Variants in FAM227A observed in about 807,000 individuals in gnomAD.
The protein encoded by FAM227A is protein FAM227A.
A neutral mutation model predicts 74.7 loss-of-function variants in FAM227A; 80 were observed. The ratio of observed to expected loss-of-function variants is 1.07; its 90% CI spans 0.89 to 1.29. The LOEUF (loss-of-function observed/expected upper bound fraction) is 1.29, where lower values mean the gene tolerates loss of function less well. Ranked by LOEUF, FAM227A falls within the 50% of genes most tolerant of loss-of-function variation. The pLI, the probability that FAM227A is intolerant of heterozygous loss-of-function variation, is 0.00. For missense variants in FAM227A, 654 were observed against 683.4 expected, an observed-to-expected ratio of 0.96 and a Z score of 0.48; for synonymous variants, 237 against 241.8, an observed-to-expected ratio of 0.98 and a Z score of 0.19.
intron 11 of FAM227A, among the ~76,000 whole-genome samples, chr22:38,615,592 G>C (rs1036817935): frequency 6.6e-6 from 1 of 152,238 alleles, no homozygotes; most frequent in Non-Finnish European, 1.5e-5. Flanking sequence ...GCACGTCCAA[G>C]AGGCAGAAGG....
chr22:38,631,876 C>A (rs776516753), intron 6 of FAM227A, among the ~76,000 whole-genome samples: 1 of 152,170 alleles, frequency 6.6e-6, no homozygotes, highest in Non-Finnish European at 1.5e-5. Flanking sequence ...GGGATTAGAA[C>A]TGCAAGGCAG....
Position 38,652,445 on chromosome 22 carries a change from G to A in FAM227A, c.-94-2183C>T, listed in dbSNP as rs139694074. Among the ~76,000 whole-genome samples the A allele has an allele frequency of 9.8e-3, 1,479 of 151,354 alleles. 16 individuals are homozygous for A. The highest frequency in any genetic ancestry group is 0.027 in the Middle Eastern group (8 of 292). Reference sequence around the variant, plus strand: ...TACTAAAAAATACAAAAAATTAGCCGGGCATGGTGGCGGGCACCTACAGTC... The same window carrying A: ...TACTAAAAAATACAAAAAATTAGCCAGGCATGGTGGCGGGCACCTACAGTC... On this transcript the variant is annotated intron_variant, in intron 1 of 16. Coordinates refer to ENST00000535113, the MANE Select transcript of FAM227A (RefSeq NM_001013647.2).
At chr22:38,593,959 T>C (rs761173001) in intron 15 of FAM227A, among the ~76,000 whole-genome samples, 5 of 152,198 alleles carry the variant, frequency 3.3e-5, no homozygotes, top group Non-Finnish European at 5.9e-5. Flanking sequence ...CCCAAAGTGC[T>C]GGGATTACAG....
In FAM227A at chr22:38,656,378, A is replaced by C. The variant is rs1465090655; in HGVS notation, c.-353T>G. On this transcript the variant is annotated 5_prime_UTR_variant, in exon 1 of 17. Coordinates refer to ENST00000535113, the MANE Select transcript of FAM227A (RefSeq NM_001013647.2). ...TTAGCATAACAATGGAACCTTCGTG[A>C]GCCGCCGCGTTGTCCGCGAGATGCC... The C allele has an allele frequency of 6.6e-6, 1 of 152,280 alleles. No individual in the cohort carries two copies. Among genetic ancestry groups the C allele is most frequent in the Non-Finnish European group, 1.5e-5 (1 of 68,124 alleles). 9.4% of individuals were successfully genotyped at this position (152,280 alleles called of 1,614,324 possible). A position where few individuals can be genotyped will look rare whatever the true frequency, so the allele number is the denominator to read the frequency against.
In FAM227A at chr22:38,588,661, G is replaced by A. The variant is rs895117407; in HGVS notation, c.1639-2462C>T. Among the ~76,000 whole-genome samples the A allele has an allele frequency of 3.5e-5, 5 of 142,678 alleles. No homozygotes were observed. In the Admixed American group the frequency reaches 3.6e-4, roughly 10 times the overall value. 93.6% of individuals were successfully genotyped at this position (142,678 alleles called of 152,430 possible). Reference sequence around the variant, plus strand: ...AAAAATGCTGGGCGCAGTGGCTCACGCCTGTAATCCTAGAACTTTGGGAGG... The same window carrying A: ...AAAAATGCTGGGCGCAGTGGCTCACACCTGTAATCCTAGAACTTTGGGAGG... On this transcript the variant is annotated intron_variant, in intron 16 of 16. Transcript: ENST00000535113.
At chr22:38,615,111 G>GC (rs753319748) in intron 11 of FAM227A, among the ~76,000 whole-genome samples, 8 of 152,124 alleles carry the variant, frequency 5.3e-5, no homozygotes, top group Non-Finnish European at 1.0e-4. Context: ...TGCAACCTCC[G>GC]CCCCCTGGTT....
chr22:38,600,013 T>C (rs2091138193), intron 13 of FAM227A, 92 bp from the exon 14 acceptor site: 13 of 1,192,954 alleles, frequency 1.1e-5, no homozygotes, highest in Non-Finnish European at 1.5e-5. Flanking sequence ...CTCATGTCCT[T>C]TGATCCAGTA....
At chr22:38,628,385 G>T (rs779043109) in intron 7 of FAM227A, 43 bp from the exon 8 acceptor site, 11 of 1,267,180 alleles carry the variant, frequency 8.7e-6, no homozygotes, top group Non-Finnish European at 1.1e-5. Context: ...AAAGTCCCTT[G>T]CTGAAACAAC....
chr22:38,590,564 C>T (rs1002768868), intron 16 of FAM227A, among the ~76,000 whole-genome samples: 1 of 152,170 alleles, frequency 6.6e-6, no homozygotes. Context: ...GATGGCCTAT[C>T]ATGACCTTCC....
intron 11 of FAM227A, among the ~76,000 whole-genome samples, chr22:38,619,623 C>T (rs191476479): frequency 1.1e-4 from 16 of 152,248 alleles, no homozygotes; most frequent in Middle Eastern, 3.4e-3. Flanking sequence ...TGTGCCTGGC[C>T]TGGAAGTAGG....
At chr22:38,636,793 C>T (rs1189503000) in intron 5 of FAM227A, among the ~76,000 whole-genome samples, 196 bp from the exon 6 acceptor site, 4 of 133,046 alleles carry the variant, frequency 3.0e-5, no homozygotes, top group South Asian at 2.3e-4. Flanking sequence ...TTTTTTGAGA[C>T]GAAATTTCAC....
chr22:38,644,971 C>A (rs1048012135), intron 3 of FAM227A, among the ~76,000 whole-genome samples: 19 of 152,162 alleles, frequency 1.2e-4, no homozygotes, highest in African/African-American at 4.6e-4. Flanking sequence ...CGGCTGTAGT[C>A]CCAGCTACTC....
Position 38,620,194 on chromosome 22 carries a change from C to T in FAM227A, c.1038+18G>A. ...TATGGGACTCCAAAGGGGTCCTGGT[C>T]CGTGCCTCCCCACTTACCTGAGGGT... On this transcript the variant is annotated intron_variant, in intron 11 of 16. Transcript: ENST00000535113. 1 of 1,542,772 alleles carries T rather than the reference C, an allele frequency of 6.5e-7. No individual in the cohort carries two copies. Among genetic ancestry groups the T allele is most frequent in the Non-Finnish European group, 8.8e-7 (1 of 1,139,660 alleles).
At chr22:38,597,148 G>T in intron 15 of FAM227A, 56 bp downstream of exon 15, 1 of 1,507,484 alleles carries the variant, frequency 6.6e-7, no homozygotes, top group Non-Finnish European at 9.0e-7. Flanking sequence ...GATGATGATC[G>T]TGTGCTGCAA....
chr22:38,582,665 T>C lies in FAM227A; in HGVS notation c.*3460A>G, dbSNP rs1272858909. On this transcript the variant is annotated 3_prime_UTR_variant, in exon 17 of 17. Transcript: ENST00000535113. The stretch of plus-strand genomic sequence containing the variant: ...TCCATGCAGGGATGATCTTGGACTG[T>C]GCAACAAATGGTCCTGACAGACAGA... 1.0e-5 allele frequency: 8 copies of C among 801,278 alleles called. No individual in the cohort carries two copies. The highest frequency in any genetic ancestry group is 2.7e-5 in the Admixed American group (1 of 37,134). The allele number at this position is 801,278 out of a possible 1,614,324, so 49.6% of individuals were successfully genotyped here.
At chr22:38,646,914 G>C (rs1391499620) in intron 2 of FAM227A, among the ~76,000 whole-genome samples, 1 of 151,982 alleles carries the variant, frequency 6.6e-6, no homozygotes, top group Non-Finnish European at 1.5e-5. Context: ...ACTTTGGGAG[G>C]CTGAGGCGGG....
chr22:38,627,942 A>T (rs919260350), intron 8 of FAM227A, among the ~76,000 whole-genome samples: 7 of 151,928 alleles, frequency 4.6e-5, no homozygotes, highest in South Asian at 4.2e-4. Context: ...AGTGATAAGC[A>T]TTGCTAAGAG....
rs1019174017 is a variant in FAM227A at position 38,650,282 on chromosome 22, T to C, written c.-94-20A>G. 9.5e-7 allele frequency: 1 copy of C among 1,047,432 alleles called. No individual in the cohort carries two copies. 64.9% of individuals were successfully genotyped at this position (1,047,432 alleles called of 1,614,324 possible). ...AGCCTCCTGGAAATCATAAACAGCA[T>C]AGAGCCAGCTCAGAAAACACAAGAA... On this transcript the variant is annotated intron_variant, in intron 1 of 16. Coordinates refer to ENST00000535113, the MANE Select transcript of FAM227A (RefSeq NM_001013647.2).
rs935870501 is a variant in FAM227A at position 38,639,792 on chromosome 22, G to T, written c.226-68C>A. The T allele has an allele frequency of 3.6e-6, 4 of 1,102,672 alleles. No individual in the cohort carries two copies. In the African/African-American group the frequency reaches 6.2e-5, roughly 17 times the overall value. The allele number at this position is 1,102,672 out of a possible 1,614,324, so 68.3% of individuals were successfully genotyped here. The stretch of plus-strand genomic sequence containing the variant: ...AATCCTGGAGAAGGGTGGGGTTAGG[G>T]TCTAGGCGTTTCCTCTTGTTGGTGC... On this transcript the variant is annotated intron_variant, in intron 3 of 16. Transcript: ENST00000535113.
Sources: allele counts gnomAD v4.1 joint callset (sites outside exome capture counted in the v4.1 genomes callset), GRCh38; gene constraint gnomAD v4.1.1; transcripts MANE v1.5; gene names NCBI Gene and HGNC (gene_info 2026-07-23, HGNC 2026-07-21).